The following ZNF654 variants were observed in gnomAD, a reference collection of about 807,000 sequenced individuals.
ZNF654 encodes the protein zinc finger protein 654.
ZNF654 carries 19 observed loss-of-function variants against 95.3 expected under a neutral mutation model. The observed-to-expected ratio is 0.20, with a 90% CI of 0.14 to 0.29. The LOEUF (loss-of-function observed/expected upper bound fraction) is 0.29. Ranked by LOEUF, ZNF654 falls within the 10% of genes least tolerant of loss-of-function variation. The probability of loss-of-function intolerance (pLI) is 1.00; values close to 1 mark genes in which losing one functional copy is unlikely to be tolerated. For missense variants in ZNF654, 1,046 were observed against 1,341.0 expected (o/e 0.78, Z 3.44); for synonymous variants, 413 against 457.9 (o/e 0.90, Z 1.25).
chr3:88,067,854 T>TTG (rs1707289063), intron 1 of ZNF654, among the ~76,000 whole-genome samples: 1 of 151,974 alleles, frequency 6.6e-6, no homozygotes, highest in South Asian at 2.1e-4. Flanking sequence ...ACTGGAGGCA[T>TTG]TGTGGATTGA....
intron 2 of ZNF654, among the ~76,000 whole-genome samples, chr3:88,097,659 G>C (rs1343081245): frequency 2.0e-5 from 3 of 151,734 alleles, no homozygotes; most frequent in African/African-American, 7.3e-5. Flanking sequence ...AATCAAATTA[G>C]AACTCAGGAT....
chr3:88,139,172 T>C lies in ZNF654; in HGVS notation c.1503T>C (p.Ser501=). Residue 501 remains serine (S), a synonymous_variant, in exon 8 of 9, where the codon TCT becomes TCC. Transcript: ENST00000636215. The part of the protein sequence containing the change: ...EQQGLDEGFD[S]LTDQSTGETD... ...AAGGTTTGGATGAAGGGTTTGACTCTCTTACAGATCAGAGCACTGGAGAGA... is the reference window on the plus strand; with the variant it reads ...AAGGTTTGGATGAAGGGTTTGACTCCCTTACAGATCAGAGCACTGGAGAGA... The C allele has an allele frequency of 7.2e-7, 1 of 1,386,008 alleles. No individual in the cohort carries two copies. The highest frequency in any genetic ancestry group is 9.3e-7 in the Non-Finnish European group (1 of 1,069,676). 85.9% of individuals were successfully genotyped at this position (1,386,008 alleles called of 1,614,324 possible).
intron 1 of ZNF654, among the ~76,000 whole-genome samples, chr3:88,083,062 CCTCTTCTTCCTCA>C (rs1410865612): frequency 1.3e-5 from 2 of 151,912 alleles, no homozygotes; most frequent in Non-Finnish European, 2.9e-5. Context: ...CCTCTTCCTC[CCTCTTCTTCCTCA>C]CTCTTCCTCC....
intron 1 of ZNF654, among the ~76,000 whole-genome samples, chr3:88,079,105 A>G (rs1056860479): frequency 2.6e-5 from 4 of 152,122 alleles, no homozygotes; most frequent in Admixed American, 1.3e-4. Flanking sequence ...TATTGGATCT[A>G]TATGAAAAAG....
At position 88,074,344 on chromosome 3, in the gene ZNF654, C is replaced by CTTTT. The variant is rs60776911; in HGVS notation, c.187-11901_187-11898dup. On this transcript the variant is annotated intron_variant, in intron 1 of 8. Transcript: ENST00000636215. ...ACTTCCAGGCTCTTTTTATATCTTA[C>CTTTT]TTTTTTTTTTTTTTTGAGACTGAGT... Among the ~76,000 whole-genome samples the CTTTT allele has an allele frequency of 1.0e-4, 14 of 137,620 alleles. 2 individuals carry two copies. Among genetic ancestry groups the CTTTT allele is most frequent in the South Asian group, 2.2e-4 (1 of 4,468 alleles). The allele number at this position is 137,620 out of a possible 152,430, so 90.3% of individuals were successfully genotyped here.
chr3:88,097,757 A>C (rs1704150196), intron 2 of ZNF654, among the ~76,000 whole-genome samples: 1 of 152,244 alleles, frequency 6.6e-6, no homozygotes, highest in South Asian at 2.1e-4. Flanking sequence ...AAATGAATGC[A>C]GAAATAAAGA....
Position 88,077,212 on chromosome 3 carries a change from G to A in ZNF654, c.187-9045G>A, listed in dbSNP as rs1237052314. ...GGAGGAGGATTGTGAATGAATTTTT[G>A]TTGTTTAGCCTTCTCAACTCATCTC... On this transcript the variant is annotated intron_variant, in intron 1 of 8. Coordinates refer to ENST00000636215, the MANE Select transcript of ZNF654 (RefSeq NM_001350134.2). Among the ~76,000 whole-genome samples, 3 of 151,982 alleles carry A rather than the reference G, an allele frequency of 2.0e-5. No individual in the cohort carries two copies. In the East Asian group the frequency reaches 5.8e-4, roughly 29 times the overall value.
intron 2 of ZNF654, among the ~76,000 whole-genome samples, chr3:88,098,053 G>A (rs1704172144): frequency 6.6e-6 from 1 of 152,096 alleles, no homozygotes; most frequent in African/African-American, 2.4e-5. Context: ...CTGGGTTTTT[G>A]AAACGATCAA....
At position 88,142,940 on chromosome 3, in the gene ZNF654, C is replaced by G. The variant is rs1281622106; in HGVS notation, c.*1288C>G. 2 of 152,038 alleles carry G rather than the reference C, an allele frequency of 1.3e-5. No homozygotes were observed. Among genetic ancestry groups the G allele is most frequent in the Admixed American group, 1.3e-4 (2 of 15,224 alleles). 9.4% of individuals were successfully genotyped at this position (152,038 alleles called of 1,614,324 possible). On this transcript the variant is annotated 3_prime_UTR_variant, in exon 9 of 9. Transcript: ENST00000636215. ...CCCTCTCAGATGTTTTCCATTTGTC[C>G]ATTATTGAAAGGAAGATGCTTAAAG... is the stretch of plus-strand genomic sequence containing the variant.
rs997506500 is a variant in ZNF654, at chr3:88,059,261, G to A, written c.-59G>A. 2.0e-6 allele frequency: 3 copies of A among 1,531,372 alleles called. No homozygotes were observed. The highest frequency in any genetic ancestry group is 1.2e-5 in the South Asian group (1 of 83,662). 94.9% of individuals were successfully genotyped at this position (1,531,372 alleles called of 1,614,324 possible). A position where few individuals can be genotyped will look rare whatever the true frequency, so the allele number is the denominator to read the frequency against. On this transcript the variant is annotated 5_prime_UTR_variant, in exon 1 of 9. Coordinates refer to ENST00000636215, the MANE Select transcript of ZNF654 (RefSeq NM_001350134.2). ...TAGAGAGGAGGAGGAGGTTAGCCTA[G>A]GCATCTACGGCGGCGGCGGCGGCGC... is the stretch of plus-strand genomic sequence containing the variant.
rs1433161098 is a variant in ZNF654, at chr3:88,144,166, G to T, written c.*2514G>T. The T allele has an allele frequency of 1.3e-5, 2 of 152,336 alleles. No homozygotes were observed. Among genetic ancestry groups the T allele is most frequent in the Non-Finnish European group, 2.9e-5 (2 of 67,818 alleles). The allele number at this position is 152,336 out of a possible 1,614,324, so 9.4% of individuals were successfully genotyped here. On this transcript the variant is annotated 3_prime_UTR_variant, in exon 9 of 9. Coordinates refer to ENST00000636215, the MANE Select transcript of ZNF654 (RefSeq NM_001350134.2). ...ATTTTTGCTGCTCAGATATTATGGAGGAGGTAAAAAGGGGAATCTCCGTGG... is the reference window on the plus strand; with the variant it reads ...ATTTTTGCTGCTCAGATATTATGGATGAGGTAAAAAGGGGAATCTCCGTGG...
chr3:88,094,192 A>C (rs1189686205), intron 2 of ZNF654, among the ~76,000 whole-genome samples: 1 of 151,468 alleles, frequency 6.6e-6, no homozygotes, highest in Non-Finnish European at 1.5e-5. Context: ...ATTACACTAG[A>C]GTATTTTGTT....
Position 88,082,946 on chromosome 3 carries a change from C to T in ZNF654, c.187-3311C>T, listed in dbSNP as rs1393332364. ...TCATGGCTTGCAGATGACCTGTGTG[C>T]TCACATGGCCATTCTTTGGTGCATG... On this transcript the variant is annotated intron_variant, in intron 1 of 8. Transcript: ENST00000636215. 6.6e-5 allele frequency among the ~76,000 whole-genome samples: 10 copies of T among 152,198 alleles called. No individual in the cohort carries two copies. The East Asian group carries it at 1.9e-3, about 29-fold the overall frequency.
At chr3:88,101,910 G>A (rs1214508687) in intron 2 of ZNF654, among the ~76,000 whole-genome samples, 1 of 152,020 alleles carries the variant, frequency 6.6e-6, no homozygotes, top group Admixed American at 6.6e-5. Context: ...CAGTCCTGTC[G>A]TTGGTAAGCA....
intron 8 of ZNF654, among the ~76,000 whole-genome samples, chr3:88,141,281 C>T (rs1707113792): frequency 1.3e-5 from 2 of 152,036 alleles, no homozygotes; most frequent in Admixed American, 1.3e-4. Flanking sequence ...AGGGCTTTGC[C>T]TATGAACTTG....
intron 3 of ZNF654, among the ~76,000 whole-genome samples, chr3:88,117,050 A>G (rs1245688028): frequency 1.3e-5 from 2 of 152,176 alleles, no homozygotes; most frequent in Non-Finnish European, 2.9e-5. Context: ...AATATCTTCC[A>G]TGAATATAAG....
intron 3 of ZNF654, among the ~76,000 whole-genome samples, chr3:88,113,484 C>T (rs192308023): frequency 1.3e-5 from 2 of 152,266 alleles, no homozygotes; most frequent in African/African-American, 4.8e-5. Context: ...AAAAACGATT[C>T]TTCTTTGCCA....
At chr3:88,062,029 G>T (rs1374741715) in intron 1 of ZNF654, among the ~76,000 whole-genome samples, 5 of 152,130 alleles carry the variant, frequency 3.3e-5, no homozygotes, top group African/African-American at 1.2e-4. Flanking sequence ...TTCCAGAGGG[G>T]TTTTTGTGTC....
At chr3:88,113,252 C>A in intron 3 of ZNF654, 56 bp downstream of exon 3, 2 of 1,094,546 alleles carry the variant, frequency 1.8e-6, no homozygotes, top group Non-Finnish European at 2.6e-6. Flanking sequence ...GACCATTATG[C>A]TCCCCCTAAA....
Sources: allele counts gnomAD v4.1 joint callset (sites outside exome capture counted in the v4.1 genomes callset), GRCh38; gene constraint gnomAD v4.1.1; transcripts MANE v1.5; gene names NCBI Gene and HGNC (gene_info 2026-07-23, HGNC 2026-07-21).